The following ST3GAL1 variants were observed in gnomAD, a reference collection of about 807,000 sequenced individuals.
The protein encoded by ST3GAL1 is ST3 beta-galactoside alpha-2,3-sialyltransferase 1.
A neutral mutation model predicts 34.1 loss-of-function variants in ST3GAL1; 16 were observed. The observed-to-expected ratio is 0.47, with a 90% confidence interval of 0.32 to 0.71. The LOEUF (loss-of-function observed/expected upper bound fraction) is 0.71, where lower values mean the gene tolerates loss of function less well. Ranked by LOEUF, ST3GAL1 falls within the 30% of genes least tolerant of loss-of-function variation. The probability of loss-of-function intolerance (pLI) is 0.04; values close to 1 mark genes in which losing one functional copy is unlikely to be tolerated. For synonymous variants in ST3GAL1, 191 were observed against 184.7 expected, an observed-to-expected ratio of 1.03 and a Z score of -0.28; for missense variants, 353 against 447.4, an observed-to-expected ratio of 0.79 and a Z score of 1.90.
At chr8:133,481,464 T>C (rs1816386001) in intron 3 of ST3GAL1, among the ~76,000 whole-genome samples, 1 of 152,146 alleles carries the variant, frequency 6.6e-6, no homozygotes, top group African/African-American at 2.4e-5. Context: ...CTTTTTTGTT[T>C]GTTTGGGTTT....
chr8:133,558,479 TAGA>T (rs754816122), intron 1 of ST3GAL1, among the ~76,000 whole-genome samples: 1 of 152,218 alleles, frequency 6.6e-6, no homozygotes, highest in Non-Finnish European at 1.5e-5. Flanking sequence ...ACTCAGTAGA[TAGA>T]AGAAGGTTGA....
intron 1 of ST3GAL1, among the ~76,000 whole-genome samples, chr8:133,569,314 A>G (rs1253866582): frequency 6.6e-6 from 1 of 152,252 alleles, no homozygotes; most frequent in Non-Finnish European, 1.5e-5. Context: ...TTTATTTAGC[A>G]AAAAGTGTAC....
intron 1 of ST3GAL1, among the ~76,000 whole-genome samples, chr8:133,568,800 C>A (rs760524485): frequency 7.2e-5 from 11 of 152,036 alleles, no homozygotes; most frequent in African/African-American, 9.7e-5. Context: ...TGTCCTGGCT[C>A]GGGGGCTGCT....
At chr8:133,562,209 C>CTTTT (rs35234056) in intron 1 of ST3GAL1, among the ~76,000 whole-genome samples, 1 of 113,274 alleles carries the variant, frequency 8.8e-6, no homozygotes, top group Non-Finnish European at 1.9e-5. Flanking sequence ...GAATCCACAT[C>CTTTT]TTTTTTTTTT....
intron 2 of ST3GAL1, among the ~76,000 whole-genome samples, chr8:133,527,378 G>C (rs1037203030): frequency 6.6e-6 from 1 of 152,168 alleles, no homozygotes; most frequent in African/African-American, 2.4e-5. Context: ...TAAAGGGGTT[G>C]AGGTGGTGGG....
intron 2 of ST3GAL1, among the ~76,000 whole-genome samples, chr8:133,543,793 ACATCATCATCAT>A (rs76541813): frequency 1.3e-5 from 2 of 151,190 alleles, no homozygotes; most frequent in African/African-American, 2.4e-5. Flanking sequence ...ATCACTGTTA[ACATCATCATCAT>A]CATCATCATC....
chr8:133,475,583 C>T (rs1414868411), intron 5 of ST3GAL1, 136 bp downstream of exon 5: 4 of 1,053,444 alleles, frequency 3.8e-6, no homozygotes, highest in African/African-American at 1.6e-5. Flanking sequence ...ATTACCAGAC[C>T]CCTACCCTCA....
chr8:133,495,383 G>A (rs917961983), intron 3 of ST3GAL1, among the ~76,000 whole-genome samples: 3 of 152,236 alleles, frequency 2.0e-5, no homozygotes, highest in African/African-American at 7.2e-5. Context: ...CACCTGGAAA[G>A]TAGGCATTAT....
At position 133,461,852 on chromosome 8, in the gene ST3GAL1, T is replaced by C; in HGVS notation, c.849+23A>G. ...GACGGTGAGCTTCGAGGCAGCCCTG[T>C]GGGCAGGGGGAGGGTGGCATACCTC... is the stretch of plus-strand genomic sequence containing the variant. On this transcript the variant is annotated intron_variant, in intron 9 of 9. Transcript: ENST00000522652. This position sits in a 1 kb window ranked among gnomAD's most constrained non-coding sequence, Gnocchi z 4.7. The C allele has an allele frequency of 6.2e-7, 1 of 1,613,688 alleles. No homozygotes were observed. The highest frequency in any genetic ancestry group is 1.1e-5 in the South Asian group (1 of 91,056).
intron 2 of ST3GAL1, among the ~76,000 whole-genome samples, chr8:133,524,663 G>T (rs1270843662): frequency 6.6e-6 from 1 of 152,266 alleles, no homozygotes; most frequent in Admixed American, 6.5e-5. Context: ...CAGGTACGCT[G>T]GTTGCTGCGA....
At chr8:133,500,292 A>G (rs1817106129) in intron 2 of ST3GAL1, among the ~76,000 whole-genome samples, 1 of 152,170 alleles carries the variant, frequency 6.6e-6, no homozygotes, top group Non-Finnish European at 1.5e-5. Context: ...TGAGGCCCTC[A>G]GACGTTAATA....
At position 133,461,240 on chromosome 8, in the gene ST3GAL1, G is replaced by A. The variant is rs372103224; in HGVS notation, c.849+635C>T. ...GGCTGAATGAGACAAGAAGGGACAC[G>A]TGAGGGCCCTGCCTGAACCCAACAT... On this transcript the variant is annotated intron_variant, in intron 9 of 9. Transcript: ENST00000522652. The surrounding 1 kb of genome is among the most constrained non-coding windows in gnomAD (Gnocchi z 4.7). 4.6e-5 allele frequency among the ~76,000 whole-genome samples: 7 copies of A among 152,298 alleles called. No homozygotes were observed. The highest frequency in any genetic ancestry group is 1.2e-4 in the African/African-American group (5 of 41,566).
chr8:133,536,001 A>G (rs1411087643), intron 2 of ST3GAL1, among the ~76,000 whole-genome samples: 1 of 152,192 alleles, frequency 6.6e-6, no homozygotes, highest in Non-Finnish European at 1.5e-5. Context: ...CATCTGTATT[A>G]ACTCATTCAA....
intron 5 of ST3GAL1, among the ~76,000 whole-genome samples, chr8:133,473,453 C>A (rs957057512): frequency 6.6e-6 from 1 of 152,138 alleles, no homozygotes; most frequent in Non-Finnish European, 1.5e-5. Flanking sequence ...GTGTAGTACC[C>A]TGTTTGTCCC....
chr8:133,540,844 T>TATATATATAGAGACATATATATAGAGAC (rs1818462037), intron 2 of ST3GAL1, among the ~76,000 whole-genome samples: 1 of 116,622 alleles, frequency 8.6e-6, no homozygotes, highest in African/African-American at 3.1e-5. Flanking sequence ...TAGAGAGACA[T>TATATATATAGAGACATATATATAGAGAC]ATATATAGAG....
chr8:133,533,177 C>T (rs1469133816), intron 2 of ST3GAL1, among the ~76,000 whole-genome samples: 3 of 152,218 alleles, frequency 2.0e-5, no homozygotes, highest in South Asian at 2.1e-4. Flanking sequence ...CTCTGAATTC[C>T]GTGGAGACCC....
chr8:133,485,694 C>T (rs1475127230), intron 3 of ST3GAL1, among the ~76,000 whole-genome samples: 2 of 152,170 alleles, frequency 1.3e-5, no homozygotes, highest in African/African-American at 4.8e-5. Flanking sequence ...CTGTATTCTA[C>T]AGGGTGGCTA....
intron 2 of ST3GAL1, among the ~76,000 whole-genome samples, chr8:133,536,651 A>G (rs529275178): frequency 1.3e-5 from 2 of 152,274 alleles, no homozygotes; most frequent in Non-Finnish European, 2.9e-5. Context: ...ATGTCCTGCC[A>G]CAGGCCCATT....
intron 3 of ST3GAL1, among the ~76,000 whole-genome samples, chr8:133,498,767 C>A (rs1204554265): frequency 6.6e-6 from 1 of 152,218 alleles, no homozygotes; most frequent in Non-Finnish European, 1.5e-5. Context: ...CTGGGCCCTG[C>A]TGTGGGGTCC....
Sources: gnomAD v4.1 joint callset for allele counts (sites outside exome capture counted in the v4.1 genomes callset) on GRCh38, gnomAD v4.1.1 for gene constraint, Gnocchi (gnomAD v3.1) non-coding constraint, MANE v1.5 for transcripts, NCBI Gene and HGNC (gene_info 2026-07-23, HGNC 2026-07-21) for gene names.